The following RPH3A variants were observed in gnomAD, a reference collection of about 807,000 sequenced individuals.
RPH3A encodes rabphilin 3A.
RPH3A carries 48 observed loss-of-function variants against 102.2 expected under a neutral mutation model. That is an observed-to-expected ratio of 0.47 (90% CI 0.37 to 0.60). The LOEUF (loss-of-function observed/expected upper bound fraction) is 0.60, where lower values mean the gene tolerates loss of function less well. Ranked by LOEUF, RPH3A falls within the 20% of genes least tolerant of loss-of-function variation. RPH3A has a pLI of 0.00. For synonymous variants in RPH3A, 310 were observed against 324.3 expected (o/e 0.96, Z 0.47); for missense variants, 781 against 910.1 (o/e 0.86, Z 1.83).
At chr12:112,704,112 C>T (rs756008226) in intron 1 of RPH3A, among the ~76,000 whole-genome samples, 17 of 150,264 alleles carry the variant, frequency 1.1e-4, no homozygotes, top group Non-Finnish European at 2.2e-4. Flanking sequence ...TTTTTGAGAC[C>T]GAGTTTCACT....
intron 6 of RPH3A, 83 bp downstream of exon 6, chr12:112,865,626 G>C: frequency 6.9e-7 from 1 of 1,442,586 alleles, no homozygotes; most frequent in African/African-American, 1.5e-5. Context: ...GGGGTCACTG[G>C]GTCTTGGGGG....
rs572560132 is a variant in RPH3A at position 112,721,627 on chromosome 12, A to G, written c.-139-70516A>G. On this transcript the variant is annotated intron_variant, in intron 1 of 21. Coordinates refer to the RPH3A transcript ENST00000543106. ...GCCTACAGTATTATAGAGCAGTAAG[A>G]TTAGAAAATGGATTTTTTTTTTTTT... is the stretch of plus-strand genomic sequence containing the variant. 1.2e-3 allele frequency among the ~76,000 whole-genome samples: 180 copies of G among 148,788 alleles called. 2 individuals are homozygous for G. Among genetic ancestry groups the G allele is most frequent in the African/African-American group, 4.1e-3 (167 of 40,554 alleles).
At chr12:112,745,524 C>T (rs1208590825) in intron 1 of RPH3A, among the ~76,000 whole-genome samples, 3 of 152,100 alleles carry the variant, frequency 2.0e-5, no homozygotes, top group Non-Finnish European at 4.4e-5. Context: ...ATTTTATTCA[C>T]ATTTATGTAT....
intron 1 of RPH3A, among the ~76,000 whole-genome samples, chr12:112,743,022 C>T (rs367572237): frequency 2.0e-5 from 3 of 152,198 alleles, no homozygotes; most frequent in East Asian, 1.9e-4. Context: ...CTTCTGCCAT[C>T]CCGTGTCCTA....
chr12:112,758,787 C>T (rs944057576), intron 1 of RPH3A, among the ~76,000 whole-genome samples: 1 of 152,148 alleles, frequency 6.6e-6, no homozygotes, highest in Non-Finnish European at 1.5e-5. Context: ...GAGGAAGTCA[C>T]CTAAGTGTAT....
At chr12:112,629,995 T>C (rs2039792872) in intron 1 of RPH3A, among the ~76,000 whole-genome samples, 1 of 152,102 alleles carries the variant, frequency 6.6e-6, no homozygotes. Flanking sequence ...TAGAGAAAGA[T>C]TCAGACTCGG....
At chr12:112,582,019 A>G (rs1368182010) in intron 1 of RPH3A, among the ~76,000 whole-genome samples, 10 of 147,932 alleles carry the variant, frequency 6.8e-5, no homozygotes, top group Admixed American at 5.4e-4. Context: ...GAAGAGGGAA[A>G]ACTCATTAAA....
intron 1 of RPH3A, among the ~76,000 whole-genome samples, chr12:112,600,945 G>A (rs552015252): frequency 7.2e-5 from 11 of 152,302 alleles, no homozygotes; most frequent in African/African-American, 2.2e-4. Flanking sequence ...TCACAGGACG[G>A]CAGGAGAGAG....
chr12:112,694,300 T>C (rs764882814), intron 1 of RPH3A, among the ~76,000 whole-genome samples: 2 of 152,206 alleles, frequency 1.3e-5, no homozygotes, highest in South Asian at 2.1e-4. Flanking sequence ...GTGGCCCAGC[T>C]GCTCCACCTC....
chr12:112,893,841 TATTG>T (rs1455851947), intron 19 of RPH3A: 1 of 151,906 alleles, frequency 6.6e-6, no homozygotes, highest in East Asian at 1.9e-4. Flanking sequence ...ACCCAGAAAA[TATTG>T]ATTGAGTACC....
At chr12:112,837,254 T>C (rs954172678) in intron 4 of RPH3A, among the ~76,000 whole-genome samples, 1 of 152,124 alleles carries the variant, frequency 6.6e-6, no homozygotes, top group East Asian at 1.9e-4. Context: ...GTTTGTAAAA[T>C]AGGCACAATA....
chr12:112,618,078 T>C (rs910774033), intron 1 of RPH3A, among the ~76,000 whole-genome samples: 12 of 152,190 alleles, frequency 7.9e-5, no homozygotes, highest in African/African-American at 2.9e-4. Flanking sequence ...TTTGTGATTT[T>C]CCCTATGCCA....
At chr12:112,590,237 C>A (rs1037547716) in intron 1 of RPH3A, among the ~76,000 whole-genome samples, 1 of 152,168 alleles carries the variant, frequency 6.6e-6, no homozygotes, top group Non-Finnish European at 1.5e-5. Flanking sequence ...GAGAGGACAA[C>A]GGATTCGCCT....
intron 1 of RPH3A, among the ~76,000 whole-genome samples, chr12:112,623,699 C>T (rs2039748774): frequency 1.0e-4 from 2 of 19,932 alleles, no homozygotes; most frequent in Non-Finnish European, 1.4e-4. Flanking sequence ...CAGCTCTGCA[C>T]CAAGCGGACC....
chr12:112,896,574 T>A (rs201618845), intron 21 of RPH3A, 76 bp from the exon 22 acceptor site: 5 of 1,565,044 alleles, frequency 3.2e-6, no homozygotes, highest in Non-Finnish European at 4.4e-6. Flanking sequence ...GTGCAGTTTT[T>A]TCCCCAACTA....
intron 1 of RPH3A, among the ~76,000 whole-genome samples, chr12:112,599,652 G>A (rs2039544128): frequency 6.6e-6 from 1 of 152,008 alleles, no homozygotes; most frequent in Non-Finnish European, 1.5e-5. Flanking sequence ...ATGTTCTTTG[G>A]GACTTAAAAA....
intron 1 of RPH3A, among the ~76,000 whole-genome samples, chr12:112,743,183 G>C (rs547387984): frequency 6.6e-6 from 1 of 152,144 alleles, no homozygotes; most frequent in Non-Finnish European, 1.5e-5. Flanking sequence ...GCTGGGTAAG[G>C]TAACATAGTC....
At chr12:112,582,458 T>TA (rs1485321814) in intron 1 of RPH3A, among the ~76,000 whole-genome samples, 3 of 146,552 alleles carry the variant, frequency 2.0e-5, no homozygotes, top group Non-Finnish European at 4.5e-5. Flanking sequence ...AAAATATATA[T>TA]TTTTTTGAGA....
At chr12:112,731,188 GGTGTGT>G (rs3839972) in intron 1 of RPH3A, among the ~76,000 whole-genome samples, 2 of 149,742 alleles carry the variant, frequency 1.3e-5, no homozygotes, top group South Asian at 2.1e-4. Context: ...TTCATTTGAT[GGTGTGT>G]GTGTGTGTGT....
Sources: gnomAD v4.1 joint callset for allele counts (sites outside exome capture counted in the v4.1 genomes callset) on GRCh38, gnomAD v4.1.1 for gene constraint, MANE v1.5 for transcripts, NCBI Gene and HGNC (gene_info 2026-07-23, HGNC 2026-07-21) for gene names.